Variants in COQ10A observed in about 807,000 individuals in gnomAD.
COQ10A encodes coenzyme Q10A, also known as coenzyme Q-binding protein COQ10 homolog A, mitochondrial.
A neutral mutation model predicts 26.1 loss-of-function variants in COQ10A; 25 were observed. That is an observed-to-expected ratio of 0.96 (90% CI 0.70 to 1.34). The LOEUF (loss-of-function observed/expected upper bound fraction) is 1.34. COQ10A is among the 40% of genes most tolerant of loss of function. The pLI, the probability that COQ10A is intolerant of heterozygous loss-of-function variation, is 0.00. For synonymous variants in COQ10A, 132 were observed against 124.0 expected (o/e 1.06, Z -0.43); for missense variants, 312 against 335.4 (o/e 0.93, Z 0.54).
chr12:56,267,693 G>T, intron 1 of COQ10A, 101 bp from the exon 2 acceptor site: 1 of 1,522,038 alleles, frequency 6.6e-7, no homozygotes, highest in Non-Finnish European at 9.1e-7. Flanking sequence ...AAGCTTGTTT[G>T]GACGACCTTC....
intron 1 of COQ10A, chr12:56,267,509 T>TA (rs1490431528): frequency 6.4e-7 from 1 of 1,567,302 alleles, no homozygotes; most frequent in East Asian, 2.2e-5. Context: ...CTTAAAGTCT[T>TA]AGCTTTCAGC....
At position 56,267,075 on chromosome 12, in the gene COQ10A, C is replaced by T. The variant is rs954347948; in HGVS notation, c.-44C>T. The T allele has an allele frequency of 3.5e-5, 44 of 1,258,102 alleles. No individual in the cohort carries two copies. The Middle Eastern group carries it at 9.4e-4, about 27-fold the overall frequency. The allele number at this position is 1,258,102 out of a possible 1,614,324, so 77.9% of individuals were successfully genotyped here. On this transcript the variant is annotated 5_prime_UTR_variant, in exon 1 of 5. Coordinates refer to ENST00000308197, the MANE Select transcript of COQ10A (RefSeq NM_144576.4). Reference sequence around the variant, plus strand: ...CGCTCCGCCTTTGGAGTGAGGAGGGCGCAGCCCGCGTCAGAACTTAGAGGG... The same window carrying T: ...CGCTCCGCCTTTGGAGTGAGGAGGGTGCAGCCCGCGTCAGAACTTAGAGGG...
chr12:56,267,646 G>C, intron 1 of COQ10A, 148 bp from the exon 2 acceptor site: 1 of 1,266,988 alleles, frequency 7.9e-7, no homozygotes, highest in South Asian at 1.2e-5. Flanking sequence ...TCCCTGGCCA[G>C]AGAGAGCCTA....
At chr12:56,268,894 G>C in intron 2 of COQ10A, 165 bp from the exon 3 acceptor site, 2 of 609,856 alleles carry the variant, frequency 3.3e-6, no homozygotes, top group Non-Finnish European at 5.9e-6. Context: ...AGTATCATAA[G>C]GATTTACACG....
Position 56,267,832 on chromosome 12 carries a change from C to T in COQ10A, c.173C>T (p.Ala58Val), listed in dbSNP as rs764575226. The change falls in exon 2 of 5, where the codon GCC becomes GTC. Residue 58 changes from alanine (A) to valine (V), a missense_variant. Physicochemically the swap from Ala to Val is moderately conservative, Grantham distance 64 (BLOSUM62 0). Transcript: ENST00000308197. ...TGCAGCCTCCTCTTGCCTCGGGCTGCCCAGATCTTGGCGGCTGAGGCTGGC... is the reference window on the plus strand; with the variant it reads ...TGCAGCCTCCTCTTGCCTCGGGCTGTCCAGATCTTGGCGGCTGAGGCTGGC... ...TSCSLLLPRA[A>V]QILAAEAGLP... 16 of 1,614,070 alleles carry T rather than the reference C, an allele frequency of 9.9e-6. No individual in the cohort carries two copies. The highest frequency in any genetic ancestry group is 8.9e-5 in the East Asian group (4 of 44,890).
chr12:56,268,314 A>C (rs1872410320), intron 2 of COQ10A: 2 of 204,910 alleles, frequency 9.8e-6, no homozygotes, highest in Admixed American at 1.1e-4. Flanking sequence ...CCACTAAAAA[A>C]AAACACACAC....
At chr12:56,267,526 G>A in intron 1 of COQ10A, 3 of 1,495,232 alleles carry the variant, frequency 2.0e-6, no homozygotes, top group Non-Finnish European at 2.8e-6. Context: ...CAGCAGTAGT[G>A]TAGGCCCAGT....
Position 56,267,927 on chromosome 12 carries a change from C to G in COQ10A, c.268C>G (p.Arg90Gly). The G allele has an allele frequency of 6.2e-7, 1 of 1,614,112 alleles. No individual in the cohort carries two copies. The highest frequency in any genetic ancestry group is 8.5e-7 in the Non-Finnish European group (1 of 1,180,020). Residue 90 changes from arginine to glycine, a missense_variant, in exon 2 of 5, where the codon CGT becomes GGT. By Grantham distance (125) the Arg-to-Gly change is moderately radical (BLOSUM62 -2). Coordinates refer to ENST00000308197, the MANE Select transcript of COQ10A (RefSeq NM_144576.4). ...CAACAAGCGAAAGGCTTACTCGGAG[C>G]GTAGAATCATGGGGTAAGCATTCTC... ...FTNKRKAYSE[R>G]RIMGYSMQEM... is the part of the protein sequence containing the mutation.
At chr12:56,269,372 C>G in intron 3 of COQ10A, 88 bp from the exon 4 acceptor site, 1 of 1,465,350 alleles carries the variant, frequency 6.8e-7, no homozygotes, top group Admixed American at 1.7e-5. Flanking sequence ...TCCCTCATAT[C>G]AGAAAAGAAG....
intron 1 of COQ10A, chr12:56,267,551 G>T: frequency 7.7e-7 from 1 of 1,301,028 alleles, no homozygotes; most frequent in East Asian, 2.3e-5. Context: ...GGCAACTGGC[G>T]CTTCCCACAC....
chr12:56,268,929 C>T, intron 2 of COQ10A, 130 bp from the exon 3 acceptor site: 1 of 693,594 alleles, frequency 1.4e-6, no homozygotes, highest in South Asian at 1.9e-5. Context: ...GTTATTCATC[C>T]AGGCTTATTT....
At position 56,266,971 on chromosome 12, in the gene COQ10A, G is replaced by A; in HGVS notation, c.-148G>A. ...CTAGCCTACCCGGCAGCCTGGACGG[G>A]AGCAAGGCGAGAGGTGCTGCCGCCT... is the stretch of plus-strand genomic sequence containing the variant. On this transcript the variant is annotated 5_prime_UTR_variant, in exon 1 of 5. Transcript: ENST00000308197. 1 of 806,108 alleles carries A rather than the reference G, an allele frequency of 1.2e-6. No homozygotes were observed. The allele number at this position is 806,108 out of a possible 1,614,324, so 49.9% of individuals were successfully genotyped here. A position where few individuals can be genotyped will look rare whatever the true frequency, so the allele number is the denominator to read the frequency against.
intron 2 of COQ10A, 159 bp downstream of exon 2, chr12:56,268,099 C>A: frequency 1.1e-6 from 1 of 905,888 alleles, no homozygotes. Context: ...TGCCACTCTT[C>A]CGACCTTAAT....
Position 56,267,856 on chromosome 12 carries a change from G to A in COQ10A, c.197G>A (p.Gly66Asp). The stretch of plus-strand genomic sequence containing the variant: ...GCCCAGATCTTGGCGGCTGAGGCTG[G>A]CTTACCTTCGAGCCGTTCCTTCATG... Reference protein sequence around the residue: ...RAAQILAAEAGLPSSRSFMGF... With the variant: ...RAAQILAAEADLPSSRSFMGF... The change falls in exon 2 of 5, where the codon GGC (glycine) becomes GAC (aspartate). Residue 66 changes from glycine (G) to aspartate (D), a missense_variant. Coordinates refer to ENST00000308197, the MANE Select transcript of COQ10A (RefSeq NM_144576.4). 6.2e-7 allele frequency: 1 copy of A among 1,614,144 alleles called. No homozygotes were observed. Among genetic ancestry groups the A allele is most frequent in the Non-Finnish European group, 8.5e-7 (1 of 1,180,012 alleles).
chr12:56,268,904 G>A (rs971859351), intron 2 of COQ10A, 155 bp from the exon 3 acceptor site: 16 of 629,444 alleles, frequency 2.5e-5, no homozygotes, highest in East Asian at 2.4e-4. Flanking sequence ...GGATTTACAC[G>A]TTTGCTTTTG....
In COQ10A at chr12:56,270,145, C is replaced by G. The variant is rs1248388906; in HGVS notation, c.577-5C>G. 1.2e-6 allele frequency: 2 copies of G among 1,612,854 alleles called. No individual in the cohort carries two copies. Among genetic ancestry groups the G allele is most frequent in the Non-Finnish European group, 1.7e-6 (2 of 1,179,228 alleles). On this transcript the variant is annotated splice_polypyrimidine_tract_variant and splice_region_variant and intron_variant, in intron 4 of 4. Transcript: ENST00000308197. ...AGTTTCTGACTGTCTCTTACCCATT[C>G]CCAGATTTCCTTTGAATTTCGTTCT...
intron 2 of COQ10A, 127 bp from the exon 3 acceptor site, chr12:56,268,932 G>C (rs567413376): frequency 1.4e-6 from 1 of 705,688 alleles, no homozygotes; most frequent in African/African-American, 1.8e-5. Context: ...ATTCATCCAG[G>C]CTTATTTGGG....
rs61120003 is a variant in COQ10A at position 56,269,233 on chromosome 12, C to T, written c.456C>T (p.Val152=). ...GTTACACCTCTGCAGTTTCCATGGT[C>T]AAACCTCACATGGTCAAGGTGAGGC... The part of the protein sequence containing the change: ...MERYTSAVSM[V]KPHMVKAVCT... Residue 152 remains valine, a synonymous_variant, in exon 3 of 5, where the codon GTC becomes GTT. Coordinates refer to ENST00000308197, the MANE Select transcript of COQ10A (RefSeq NM_144576.4). 1,931 of 1,614,058 alleles carry T rather than the reference C, an allele frequency of 1.2e-3. 37 individuals carry two copies. The African/African-American group carries it at 0.024, about 20-fold the overall frequency.
intron 4 of COQ10A, chr12:56,269,816 G>A (rs368352533): frequency 4.6e-5 from 24 of 518,432 alleles, no homozygotes; most frequent in East Asian, 4.3e-4. Flanking sequence ...TAGTAGAGAC[G>A]GGGTTTCACC....
Sources: allele counts gnomAD v4.1 joint callset, GRCh38; gene constraint gnomAD v4.1.1; transcripts MANE v1.5; gene names NCBI Gene and HGNC (gene_info 2026-07-23, HGNC 2026-07-21).